Variants in PPARA observed in about 807,000 individuals in gnomAD.
The protein encoded by PPARA is peroxisome proliferator activated receptor alpha.
In PPARA, 22 loss-of-function variants were observed where a neutral mutation model predicts 42.2. The observed-to-expected ratio is 0.52, with a 90% CI of 0.37 to 0.74. The LOEUF (loss-of-function observed/expected upper bound fraction) is 0.74. Among genes scored for constraint, PPARA ranks in the 30% least tolerant of loss-of-function variants. The pLI, the probability that PPARA is intolerant of heterozygous loss-of-function variation, is 0.00. For missense variants in PPARA, 465 were observed against 608.2 expected (o/e 0.76, Z 2.48); for synonymous variants, 242 against 239.3 (o/e 1.01, Z -0.10).
chr22:46,215,746 A>G (rs1934423623), intron 5 of PPARA, among the ~76,000 whole-genome samples: 1 of 151,992 alleles, frequency 6.6e-6, no homozygotes, highest in Non-Finnish European at 1.5e-5. Context: ...CCATCTTAAA[A>G]AAAAAGAAAG....
intron 2 of PPARA, among the ~76,000 whole-genome samples, chr22:46,176,359 G>C (rs1043455063): frequency 6.6e-6 from 1 of 151,868 alleles, no homozygotes; most frequent in Non-Finnish European, 1.5e-5. Flanking sequence ...GCTGGCATGT[G>C]CCTGCAATCC....
chr22:46,181,432 G>A (rs147249726), intron 3 of PPARA, among the ~76,000 whole-genome samples: 175 of 152,254 alleles, frequency 1.1e-3, no homozygotes, highest in Middle Eastern at 6.8e-3. Flanking sequence ...TGAAACTTCC[G>A]TAATAGGACC....
chr22:46,178,484 G>A (rs2147247345), intron 3 of PPARA, among the ~76,000 whole-genome samples: 1 of 152,306 alleles, frequency 6.6e-6, no homozygotes, highest in Admixed American at 6.5e-5. Context: ...TGCAGGGAGA[G>A]GGGAAACTGA....
chr22:46,216,877 C>T lies in PPARA; in HGVS notation c.370-1386C>T, dbSNP rs1378097259. The stretch of plus-strand genomic sequence containing the variant: ...GTTGCACAGACGTGCTCAAGTCTGG[C>T]GCCTTATGTACGTGATATGTGGGAG... On this transcript the variant is annotated intron_variant, in intron 5 of 8. Transcript: ENST00000407236. This position sits in a 1 kb window ranked among gnomAD's most constrained non-coding sequence, Gnocchi z 4.5. Among the ~76,000 whole-genome samples, 2 of 152,154 alleles carry T rather than the reference C, an allele frequency of 1.3e-5. No homozygotes were observed. Among genetic ancestry groups the T allele is most frequent in the African/African-American group, 2.4e-5 (1 of 41,438 alleles).
intron 2 of PPARA, among the ~76,000 whole-genome samples, chr22:46,172,376 C>G (rs1928227392): frequency 1.3e-5 from 2 of 150,358 alleles, no homozygotes; most frequent in South Asian, 4.2e-4. Flanking sequence ...CGCCTGTAAT[C>G]CCAGCATTTT....
chr22:46,220,942 C>CA (rs112936777), intron 7 of PPARA, among the ~76,000 whole-genome samples: 42,317 of 147,608 alleles, frequency 0.29, 7,317 homozygotes, highest in African/African-American at 0.5. Context: ...GACCCTATCT[C>CA]AAAAAAAAAA....
At position 46,235,807 on chromosome 22, in the gene PPARA, C is replaced by T; in HGVS notation, c.*427C>T. 3.7e-6 allele frequency: 1 copy of T among 269,690 alleles called. No individual in the cohort carries two copies. The highest frequency in any genetic ancestry group is 4.3e-5 in the South Asian group (1 of 23,060). 16.7% of individuals were successfully genotyped at this position (269,690 alleles called of 1,614,324 possible). On this transcript the variant is annotated 3_prime_UTR_variant, in exon 9 of 9. Transcript: ENST00000407236. The surrounding 1 kb of genome is among the most constrained non-coding windows in gnomAD (Gnocchi z 7.0). ...CTGAAAACTAATCAGCACTTTTTAA[C>T]AATGTTTATAATCCTATAAGTCTAG...
At position 46,218,269 on chromosome 22, in the gene PPARA, T is replaced by C; in HGVS notation, c.376T>C (p.Phe126Leu). The change falls in exon 6 of 9, where the codon TTT (phenylalanine) becomes CTT (leucine). Residue 126 changes from phenylalanine to leucine, a missense_variant. Phe to Leu is a conservative substitution (Grantham distance 22). This residue lies in a region of PPARA where 313 missense variants were observed against 469.1 expected (regional missense o/e 0.67). Transcript: ENST00000407236. Reference sequence around the variant, plus strand: ...CTGTGTATTACCCTCACAGGGCTTCTTTCGGCGAACGATTCGACTCAAGCT... The same window carrying C: ...CTGTGTATTACCCTCACAGGGCTTCCTTCGGCGAACGATTCGACTCAAGCT... ...VHACEGCKGF[F>L]RRTIRLKLVY... The C allele has an allele frequency of 6.2e-7, 1 of 1,614,200 alleles. No homozygotes were observed. The highest frequency in any genetic ancestry group is 8.5e-7 in the Non-Finnish European group (1 of 1,180,038).
rs115208724 is a variant in PPARA, at chr22:46,193,380, T to C, written c.-42-4962T>C. ...CGCACCTGGCCACTGTTTGATAGCA[T>C]AATAGGGCGACTATAGTCAATAATA... On this transcript the variant is annotated intron_variant, in intron 3 of 8. Transcript: ENST00000407236. The surrounding 1 kb of genome is among the most constrained non-coding windows in gnomAD (Gnocchi z 5.3). Among the ~76,000 whole-genome samples the C allele has an allele frequency of 2.7e-3, 407 of 152,276 alleles. 3 individuals are homozygous for C. The highest frequency in any genetic ancestry group is 9.0e-3 in the African/African-American group (373 of 41,554).
chr22:46,159,450 T>C (rs1041138374), intron 2 of PPARA, among the ~76,000 whole-genome samples: 2 of 152,182 alleles, frequency 1.3e-5, no homozygotes, highest in African/African-American at 4.8e-5. Flanking sequence ...ACAGAACCTG[T>C]CACCAGATAC....
In PPARA at chr22:46,151,895, C is replaced by G. The variant is rs185401905; in HGVS notation, c.-202C>G. On this transcript the variant is annotated 5_prime_UTR_variant, in exon 2 of 9. Coordinates refer to ENST00000407236, the MANE Select transcript of PPARA (RefSeq NM_005036.6). ...TCACCTTCTTACTGCCAGGCTGAAG[C>G]TCAGGGCCCTGTCTGCTCTGTGGAC... The G allele has an allele frequency of 1.5e-4, 23 of 152,396 alleles. No individual in the cohort carries two copies. The highest frequency in any genetic ancestry group is 5.5e-4 in the African/African-American group (23 of 41,568). 9.4% of individuals were successfully genotyped at this position (152,396 alleles called of 1,614,324 possible).
chr22:46,228,843 G>A lies in PPARA; in HGVS notation c.712-2949G>A, dbSNP rs546067875. ...TTATTGGCTGGGCGTGGTGGCTCAC[G>A]CCTGTAATCCCAGCACTTTGGGAGG... On this transcript the variant is annotated intron_variant, in intron 7 of 8. Transcript: ENST00000407236. Among the ~76,000 whole-genome samples, 185 of 152,176 alleles carry A rather than the reference G, an allele frequency of 1.2e-3. 1 individual carries two copies. The highest frequency in any genetic ancestry group is 4.1e-3 in the African/African-American group (170 of 41,502).
chr22:46,167,795 TG>T lies in PPARA; in HGVS notation c.-126-8957del, dbSNP rs1927296506. Among the ~76,000 whole-genome samples, 1 of 151,830 alleles carries T rather than the reference TG, an allele frequency of 6.6e-6. No individual in the cohort carries two copies. The highest frequency in any genetic ancestry group is 1.9e-4 in the East Asian group (1 of 5,170). ...TGCTGGCTTACACCTGTCATTCCAA[TG>T]CTTTGGGGGACCGAGGTGAGAGGAT... On this transcript the variant is annotated intron_variant, in intron 2 of 8. Transcript: ENST00000407236. The surrounding 1 kb of genome is among the most constrained non-coding windows in gnomAD (Gnocchi z 4.1).
chr22:46,198,422 A>G lies in PPARA; in HGVS notation c.39A>G (p.Pro13=), dbSNP rs117490878. 1.7e-4 allele frequency: 275 copies of G among 1,613,428 alleles called. No individual in the cohort carries two copies. The highest frequency in any genetic ancestry group is 2.2e-4 in the Non-Finnish European group (256 of 1,179,830). The change falls in exon 4 of 9, where the codon CCA becomes CCG. Residue 13 remains proline (P), a synonymous_variant. Coordinates refer to ENST00000407236, the MANE Select transcript of PPARA (RefSeq NM_005036.6). ...AAAGCCCACTCTGCCCCCTCTCCCC[A>G]CTCGAGGCCGGCGATCTAGAGAGCC... ...DTESPLCPLS[P]LEAGDLESPL...
rs773208661 is a variant in PPARA at position 46,191,118 on chromosome 22, G to A, written c.-42-7224G>A. On this transcript the variant is annotated intron_variant, in intron 3 of 8. Transcript: ENST00000407236. This position sits in a 1 kb window ranked among gnomAD's most constrained non-coding sequence, Gnocchi z 4.6. ...TGAGGCACGAGAATCGCTTGAACCC[G>A]GGAGGCGTGGGGTTGCAGTGAGCCG... Among the ~76,000 whole-genome samples, 10 of 152,124 alleles carry A rather than the reference G, an allele frequency of 6.6e-5. No homozygotes were observed. The highest frequency in any genetic ancestry group is 6.2e-4 in the South Asian group (3 of 4,820).
intron 2 of PPARA, among the ~76,000 whole-genome samples, chr22:46,169,236 C>T (rs1258604352): frequency 1.3e-5 from 2 of 151,854 alleles, no homozygotes; most frequent in Admixed American, 6.6e-5. Flanking sequence ...AAATGTACCT[C>T]ACCAATGCAA....
rs1478811575 is a variant in PPARA at position 46,192,022 on chromosome 22, G to A, written c.-42-6320G>A. ...GGAAGTTGCGGTGAGCCGAGATCAC[G>A]CCACTGTACTCCAGCCTGGTGACAG... On this transcript the variant is annotated intron_variant, in intron 3 of 8. Transcript: ENST00000407236. The surrounding 1 kb of genome is among the most constrained non-coding windows in gnomAD (Gnocchi z 4.3). 2.0e-5 allele frequency among the ~76,000 whole-genome samples: 3 copies of A among 152,160 alleles called. No homozygotes were observed. The highest frequency in any genetic ancestry group is 2.1e-4 in the South Asian group (1 of 4,824).
At chr22:46,164,943 A>G (rs1372149555) in intron 2 of PPARA, 1 of 152,222 alleles carries the variant, frequency 6.6e-6, no homozygotes, top group Non-Finnish European at 1.5e-5. Flanking sequence ...ACGAGTAGCT[A>G]TTTCAAAACG....
chr22:46,185,895 CAAAAAAAAA>C (rs1162861606), intron 3 of PPARA, among the ~76,000 whole-genome samples: 4 of 19,678 alleles, frequency 2.0e-4, no homozygotes, highest in African/African-American at 6.9e-4. Flanking sequence ...ACTCCGTCTC[CAAAAAAAAA>C]AAAAAAAAAA....
Sources: gnomAD v4.1 joint callset for allele counts (sites outside exome capture counted in the v4.1 genomes callset) on GRCh38, gnomAD v4.1.1 for gene constraint, gnomAD v4.1.1 regional missense constraint, Gnocchi (gnomAD v3.1) non-coding constraint, MANE v1.5 for transcripts, NCBI Gene and HGNC (gene_info 2026-07-23, HGNC 2026-07-21) for gene names.